VGLL1: variants seen among roughly 807,000 people sequenced by gnomAD.
VGLL1 encodes the protein vestigial like family member 1.
VGLL1 carries 4 observed loss-of-function variants against 12.0 expected under a neutral mutation model. That is an observed-to-expected ratio of 0.33 (90% CI 0.16 to 0.76). The LOEUF is 0.76. Among genes scored for constraint, VGLL1 ranks in the 30% least tolerant of loss-of-function variants. The pLI, the probability that VGLL1 is intolerant of heterozygous loss-of-function variation, is 0.60. For missense variants in VGLL1, 204 were observed against 208.7 expected, an observed-to-expected ratio of 0.98 and a Z score of 0.14; for synonymous variants, 87 against 81.2, an observed-to-expected ratio of 1.07 and a Z score of -0.39.
chrX:136,552,327 G>A (rs1462356904), intron 4 of VGLL1, among the ~76,000 whole-genome samples: 2 of 112,017 alleles, frequency 1.8e-5, no homozygotes, highest in African/African-American at 3.2e-5. Context: ...TGGTTCAAAA[G>A]CCTTAGCATA....
intron 4 of VGLL1, among the ~76,000 whole-genome samples, chrX:136,553,306 CTTTTTTTT>C (rs1226003954): frequency 1.4e-5 from 1 of 72,416 alleles, no homozygotes. Flanking sequence ...ATGTTTTATT[CTTTTTTTT>C]TTTTTTTTTT....
intron 3 of VGLL1, chrX:136,550,567 T>C: frequency 2.7e-6 from 1 of 376,969 alleles, no homozygotes; most frequent in Non-Finnish European, 4.5e-6. Context: ...CAGTGACCCT[T>C]AATCAGGAAC....
intron 4 of VGLL1, among the ~76,000 whole-genome samples, 198 bp from the exon 5 acceptor site, chrX:136,556,253 T>C (rs769317344): frequency 8.9e-6 from 1 of 111,831 alleles, no homozygotes; most frequent in East Asian, 2.8e-4. Context: ...ATAAATTCTG[T>C]TGTGGCTGCA....
intron 4 of VGLL1, among the ~76,000 whole-genome samples, chrX:136,553,945 G>T (rs376340681): frequency 8.9e-6 from 1 of 112,273 alleles, no homozygotes; most frequent in East Asian, 2.8e-4. Flanking sequence ...TTTATCTTTT[G>T]GTCGGTAGAA....
chrX:136,536,480 G>T (rs765582639), intron 2 of VGLL1, among the ~76,000 whole-genome samples: 8 of 111,136 alleles, frequency 7.2e-5, no homozygotes, highest in Non-Finnish European at 1.1e-4. Flanking sequence ...CGTCATGTTC[G>T]CTTTGATTTC....
rs763251150 is a variant in VGLL1 at position 136,545,016 on chromosome X, T to G, written c.215-3573T>G. Among the ~76,000 whole-genome samples, 6 of 112,333 alleles carry G rather than the reference T, an allele frequency of 5.3e-5. No homozygotes were observed. In the East Asian group the frequency reaches 1.4e-3, roughly 26 times the overall value. The stretch of plus-strand genomic sequence containing the variant: ...AGAAACCCAGAGTGGCTTTTTAAAC[T>G]GAAATGATGAATAATAACAACAGCA... On this transcript the variant is annotated intron_variant, in intron 2 of 4. Transcript: ENST00000370634.
At chrX:136,541,407 C>T (rs1029256034) in intron 2 of VGLL1, among the ~76,000 whole-genome samples, 56 of 111,939 alleles carry the variant, frequency 5.0e-4, no homozygotes, top group African/African-American at 1.7e-3. Flanking sequence ...AATATTTGTC[C>T]GCTGATTGAG....
At chrX:136,541,562 T>C (rs1158486983) in intron 2 of VGLL1, among the ~76,000 whole-genome samples, 1 of 112,277 alleles carries the variant, frequency 8.9e-6, no homozygotes, top group Non-Finnish European at 1.9e-5. Context: ...TTATATGACA[T>C]ACATATGGCT....
chrX:136,546,494 T>C (rs913263578), intron 2 of VGLL1, among the ~76,000 whole-genome samples: 1 of 112,539 alleles, frequency 8.9e-6, no homozygotes, highest in Non-Finnish European at 1.9e-5. Flanking sequence ...CCATCCAAAC[T>C]GTGCTCTGGG....
At chrX:136,533,820 A>G (rs2075832491) in intron 1 of VGLL1, among the ~76,000 whole-genome samples, 1 of 112,016 alleles carries the variant, frequency 8.9e-6, no homozygotes, top group East Asian at 2.8e-4. Context: ...TCAATAAGGG[A>G]TGGTAAAGGT....
intron 2 of VGLL1, among the ~76,000 whole-genome samples, chrX:136,544,165 C>A (rs943204689): frequency 8.9e-6 from 1 of 111,955 alleles, no homozygotes; most frequent in African/African-American, 3.3e-5. Context: ...ACTACAACAT[C>A]ATTTTAATGG....
At chrX:136,551,302 A>C (rs1402921582) in intron 4 of VGLL1, among the ~76,000 whole-genome samples, 1 of 111,214 alleles carries the variant, frequency 9.0e-6, no homozygotes, top group Admixed American at 9.6e-5. Flanking sequence ...GAAATTCATG[A>C]GGATGAGGAT....
intron 1 of VGLL1, among the ~76,000 whole-genome samples, chrX:136,534,420 C>T (rs2075834160): frequency 8.9e-6 from 1 of 112,658 alleles, no homozygotes; most frequent in Non-Finnish European, 1.9e-5. Flanking sequence ...CCTTTAGTGT[C>T]TGGATTCTTT....
chrX:136,552,087 C>T (rs1044942424), intron 4 of VGLL1, among the ~76,000 whole-genome samples: 2 of 111,606 alleles, frequency 1.8e-5, no homozygotes, highest in African/African-American at 6.5e-5. Flanking sequence ...GTATCCCTAG[C>T]ACCTTGCACA....
chrX:136,536,005 G>C lies in VGLL1; in HGVS notation c.-16G>C, dbSNP rs1196158106. The stretch of plus-strand genomic sequence containing the variant: ...TGCCTTTGGTCCACAGCTGTCACCT[G>C]TGTCATTCACTCACAATGGAAGAAA... On this transcript the variant is annotated 5_prime_UTR_variant, in exon 2 of 5. Transcript: ENST00000370634. 3 of 1,203,943 alleles carry C rather than the reference G, an allele frequency of 2.5e-6. No individual in the cohort carries two copies. The African/African-American group carries it at 5.3e-5, about 21-fold the overall frequency.
intron 4 of VGLL1, among the ~76,000 whole-genome samples, chrX:136,551,208 A>C (rs1201646511): frequency 9.2e-6 from 1 of 108,898 alleles, no homozygotes; most frequent in African/African-American, 3.4e-5. Context: ...TTCAGTTTTC[A>C]GCCTAGTATT....
intron 4 of VGLL1, among the ~76,000 whole-genome samples, chrX:136,553,556 C>T: frequency 8.9e-6 from 1 of 111,885 alleles, no homozygotes; most frequent in South Asian, 3.7e-4. Flanking sequence ...AGGTGATCAG[C>T]CCGCCTTGGC....
chrX:136,556,718 G>A lies in VGLL1; in HGVS notation c.*179G>A. ...TGTGAAAATCCCAGAAGCCCCCGCT[G>A]TCAATGTTCCCCATCCACACCCTGC... On this transcript the variant is annotated 3_prime_UTR_variant, in exon 5 of 5. Transcript: ENST00000370634. 1.2e-5 allele frequency: 5 copies of A among 410,283 alleles called. No homozygotes were observed. 33.8% of individuals were successfully genotyped at this position (410,283 alleles called of 1,213,427 possible).
intron 2 of VGLL1, among the ~76,000 whole-genome samples, chrX:136,537,364 C>T (rs1603308163): frequency 9.2e-6 from 1 of 109,222 alleles, no homozygotes; most frequent in Non-Finnish European, 1.9e-5. Context: ...CAAAGCAAGA[C>T]CCTGTCTCAA....
Sources: gnomAD v4.1 joint callset for allele counts (sites outside exome capture counted in the v4.1 genomes callset) on GRCh38, gnomAD v4.1.1 for gene constraint, MANE v1.5 for transcripts, NCBI Gene and HGNC (gene_info 2026-07-23, HGNC 2026-07-21) for gene names.